The following KHDRBS3 variants were observed in gnomAD, a reference collection of about 807,000 sequenced individuals.
KHDRBS3 encodes the protein KH RNA binding domain containing, signal transduction associated 3.
A neutral mutation model predicts 45.6 loss-of-function variants in KHDRBS3; 23 were observed. That is an observed-to-expected ratio of 0.50 (90% CI 0.36 to 0.72). The LOEUF (loss-of-function observed/expected upper bound fraction) is 0.72, where lower values mean the gene tolerates loss of function less well. Ranked by LOEUF, KHDRBS3 falls within the 30% of genes least tolerant of loss-of-function variation. KHDRBS3 has a pLI of 0.00. For synonymous variants in KHDRBS3, 162 were observed against 156.5 expected, an observed-to-expected ratio of 1.04 and a Z score of -0.26; for missense variants, 352 against 424.8, an observed-to-expected ratio of 0.83 and a Z score of 1.51.
At chr8:135,578,347 A>C (rs940535158) in intron 5 of KHDRBS3, among the ~76,000 whole-genome samples, 3 of 151,738 alleles carry the variant, frequency 2.0e-5, no homozygotes, top group African/African-American at 7.3e-5. Context: ...TTCTTCTCTA[A>C]GTTTTATGTT....
chr8:135,611,764 C>G (rs537809392), intron 7 of KHDRBS3, among the ~76,000 whole-genome samples: 1 of 151,982 alleles, frequency 6.6e-6, no homozygotes, highest in South Asian at 2.1e-4. Context: ...GTCTGAGGTA[C>G]TGGATTAGGG....
At chr8:135,510,495 C>T (rs1824224254) in intron 1 of KHDRBS3, among the ~76,000 whole-genome samples, 1 of 152,090 alleles carries the variant, frequency 6.6e-6, no homozygotes, top group South Asian at 2.1e-4. Context: ...AGTGCAGTGG[C>T]GTAATCTCAG....
At chr8:135,493,789 A>G (rs1177667325) in intron 1 of KHDRBS3, among the ~76,000 whole-genome samples, 1 of 152,196 alleles carries the variant, frequency 6.6e-6, no homozygotes, top group Non-Finnish European at 1.5e-5. Flanking sequence ...TTAGGCTAAT[A>G]AAATGAGTTG....
intron 4 of KHDRBS3, chr8:135,549,316 GTATAA>G (rs1826465269): frequency 6.5e-6 from 1 of 153,360 alleles, no homozygotes; most frequent in Non-Finnish European, 1.5e-5. Flanking sequence ...CCCTCATTTA[GTATAA>G]TATAATACGT....
rs184587745 is a variant in KHDRBS3, at chr8:135,469,726, A to C, written c.88+11772A>C. ...GTATTTTTAGTAGAGACAGGGTTAC[A>C]CCCTGTTGGCCAGGCTGGTCTCAAA... is the stretch of plus-strand genomic sequence containing the variant. On this transcript the variant is annotated intron_variant, in intron 1 of 8. Transcript: ENST00000355849. Among the ~76,000 whole-genome samples, 3 of 151,976 alleles carry C rather than the reference A, an allele frequency of 2.0e-5. No individual in the cohort carries two copies. In the East Asian group the frequency reaches 5.8e-4, roughly 30 times the overall value.
intron 7 of KHDRBS3, among the ~76,000 whole-genome samples, chr8:135,628,210 C>G (rs1438946806): frequency 6.6e-6 from 1 of 152,128 alleles, no homozygotes; most frequent in African/African-American, 2.4e-5. Flanking sequence ...TCGGTATCAT[C>G]ATGTTCCATT....
chr8:135,651,858 G>C (rs1235322545), downstream of KHDRBS3, among the ~76,000 whole-genome samples: 2 of 152,040 alleles, frequency 1.3e-5, no homozygotes, highest in African/African-American at 4.8e-5. Context: ...GGTTAGCCCA[G>C]ACCCCAAAAA....
At chr8:135,546,007 G>A (rs1826283936) in intron 3 of KHDRBS3, among the ~76,000 whole-genome samples, 1 of 152,194 alleles carries the variant, frequency 6.6e-6, no homozygotes, top group African/African-American at 2.4e-5. Flanking sequence ...GCATGGTGGT[G>A]CACGTCTGTA....
intron 7 of KHDRBS3, among the ~76,000 whole-genome samples, chr8:135,622,552 A>C (rs1320689237): frequency 6.6e-6 from 1 of 152,246 alleles, no homozygotes; most frequent in Non-Finnish European, 1.5e-5. Context: ...AATATTGCAG[A>C]TCACAATCAG....
At chr8:135,578,221 C>T (rs765356334) in intron 5 of KHDRBS3, among the ~76,000 whole-genome samples, 2 of 152,004 alleles carry the variant, frequency 1.3e-5, no homozygotes, top group Non-Finnish European at 2.9e-5. Context: ...TACACAAAGC[C>T]GAAGTCTATA....
chr8:135,547,086 T>C (rs1227329477), intron 3 of KHDRBS3, among the ~76,000 whole-genome samples: 2 of 152,232 alleles, frequency 1.3e-5, no homozygotes, highest in Non-Finnish European at 2.9e-5. Context: ...AATGCAATTT[T>C]TAAAACTTGA....
chr8:135,618,531 G>A (rs1830009881), intron 7 of KHDRBS3, among the ~76,000 whole-genome samples: 1 of 152,080 alleles, frequency 6.6e-6, no homozygotes, highest in Non-Finnish European at 1.5e-5. Flanking sequence ...TTTCTTAGTA[G>A]TTACAAAATG....
chr8:135,626,672 C>T (rs1237662956), intron 7 of KHDRBS3, among the ~76,000 whole-genome samples: 2 of 151,908 alleles, frequency 1.3e-5, no homozygotes, highest in Admixed American at 1.3e-4. Flanking sequence ...GGCGTGTTGG[C>T]GGGCGCCTGT....
intron 1 of KHDRBS3, among the ~76,000 whole-genome samples, chr8:135,499,549 A>G (rs1191110749): frequency 2.0e-5 from 3 of 152,198 alleles, no homozygotes; most frequent in Non-Finnish European, 4.4e-5. Flanking sequence ...TTGGTCTTTC[A>G]TTTTAATTTC....
At chr8:135,646,438 A>G (rs892085363) in intron 8 of KHDRBS3, among the ~76,000 whole-genome samples, 3 of 152,224 alleles carry the variant, frequency 2.0e-5, no homozygotes, top group African/African-American at 7.2e-5. Flanking sequence ...TGAGAAGTGA[A>G]GTTCAACCCA....
At chr8:135,607,770 A>T (rs1829530028) in intron 7 of KHDRBS3, among the ~76,000 whole-genome samples, 1 of 152,236 alleles carries the variant, frequency 6.6e-6, no homozygotes. Context: ...AGCATAAGAA[A>T]ATATGGACTA....
chr8:135,605,893 GT>G (rs1172269925), intron 6 of KHDRBS3, among the ~76,000 whole-genome samples: 1 of 152,094 alleles, frequency 6.6e-6, no homozygotes, highest in East Asian at 1.9e-4. Flanking sequence ...ACTTTTGTGA[GT>G]TTTTTTGCGT....
At chr8:135,524,385 G>C (rs1038171195) in intron 2 of KHDRBS3, among the ~76,000 whole-genome samples, 2 of 152,220 alleles carry the variant, frequency 1.3e-5, no homozygotes, top group African/African-American at 4.8e-5. Flanking sequence ...CTTGGGAAGT[G>C]TTTCTTTCCA....
chr8:135,542,943 G>A (rs574479450), intron 3 of KHDRBS3, among the ~76,000 whole-genome samples, 173 bp downstream of exon 3: 1 of 152,142 alleles, frequency 6.6e-6, no homozygotes, highest in Admixed American at 6.6e-5. Context: ...ACCTGCATCT[G>A]TAACCTTTAT....
Sources: gnomAD v4.1 joint callset for allele counts (sites outside exome capture counted in the v4.1 genomes callset) on GRCh38, gnomAD v4.1.1 for gene constraint, MANE v1.5 for transcripts, NCBI Gene and HGNC (gene_info 2026-07-23, HGNC 2026-07-21) for gene names.